Variants in TENM4 observed in about 807,000 individuals in gnomAD.
The protein encoded by TENM4 is teneurin-4.
Under a neutral mutation model 243.3 loss-of-function variants are expected in TENM4, and 82 were observed. The ratio of observed to expected loss-of-function variants is 0.34; its 90% CI spans 0.28 to 0.40. The LOEUF (loss-of-function observed/expected upper bound fraction) is 0.40. TENM4 is among the 10% of genes least tolerant of loss of function. The probability of loss-of-function intolerance (pLI) is 1.00; values close to 1 mark genes in which losing one functional copy is unlikely to be tolerated. For missense variants in TENM4, 3,138 were observed against 3,673.3 expected, an observed-to-expected ratio of 0.85 and a Z score of 3.77; for synonymous variants, 1,412 against 1,456.3, an observed-to-expected ratio of 0.97 and a Z score of 0.69.
chr11:79,418,061 G>A lies in TENM4; in HGVS notation c.-321+22448C>T, dbSNP rs55936705. 3.2e-3 allele frequency among the ~76,000 whole-genome samples: 489 copies of A among 152,208 alleles called. 3 individuals carry two copies. The highest frequency in any genetic ancestry group is 0.011 in the African/African-American group (439 of 41,518). On this transcript the variant is annotated intron_variant, in intron 1 of 33. Coordinates refer to ENST00000278550, the MANE Select transcript of TENM4 (RefSeq NM_001098816.3). ...CAGTAGTGGGATTGTCTGTCTCCTC[G>A]CACTAGACTAGTACTGCCTAATAGA...
At chr11:79,025,569 G>A (rs989802873) in intron 6 of TENM4, among the ~76,000 whole-genome samples, 2 of 152,168 alleles carry the variant, frequency 1.3e-5, no homozygotes, top group Non-Finnish European at 2.9e-5. Context: ...TAGATACTCT[G>A]TGGTAGGTAT....
chr11:79,332,815 G>T (rs1397309823), intron 1 of TENM4, among the ~76,000 whole-genome samples: 1 of 152,074 alleles, frequency 6.6e-6, no homozygotes, highest in African/African-American at 2.4e-5. Context: ...ACTTCTGCTT[G>T]CTCACCTCCT....
At chr11:79,139,169 C>A (rs867104456) in intron 4 of TENM4, among the ~76,000 whole-genome samples, 2 of 52,308 alleles carry the variant, frequency 3.8e-5, no homozygotes, top group Non-Finnish European at 5.9e-5. Context: ...TATTATATTT[C>A]TATAAATATA....
chr11:79,110,415 G>A (rs1861478106), intron 4 of TENM4, among the ~76,000 whole-genome samples: 1 of 152,192 alleles, frequency 6.6e-6, no homozygotes, highest in African/African-American at 2.4e-5. Flanking sequence ...GGGACTCACA[G>A]CGCCCTGGGC....
intron 3 of TENM4, among the ~76,000 whole-genome samples, chr11:79,194,044 C>T (rs1863571141): frequency 6.6e-6 from 1 of 151,880 alleles, no homozygotes; most frequent in Non-Finnish European, 1.5e-5. Flanking sequence ...ATCATGGGGG[C>T]CGGTCTTTCC....
intron 6 of TENM4, among the ~76,000 whole-genome samples, chr11:78,961,550 C>G (rs1292050756): frequency 6.6e-6 from 1 of 152,224 alleles, no homozygotes. Context: ...TCTCTGCAGC[C>G]GGCATTTAGC....
At chr11:79,248,670 C>A (rs1366520289) in intron 2 of TENM4, among the ~76,000 whole-genome samples, 2 of 152,260 alleles carry the variant, frequency 1.3e-5, no homozygotes, top group African/African-American at 4.8e-5. Flanking sequence ...TCTCCTCCTG[C>A]ATCTTCACAA....
chr11:79,440,031 C>G lies in TENM4; in HGVS notation c.-321+478G>C, dbSNP rs1859366281. On this transcript the variant is annotated intron_variant, in intron 1 of 33. Coordinates refer to ENST00000278550, the MANE Select transcript of TENM4 (RefSeq NM_001098816.3). This position sits in a 1 kb window ranked among gnomAD's most constrained non-coding sequence, Gnocchi z 4.7. The stretch of plus-strand genomic sequence containing the variant: ...ACCGCCCGTGCGGGGCTGCTGCAGC[C>G]GGCACTTGCCCCGCAGGGCAGGCTG... Among the ~76,000 whole-genome samples the G allele has an allele frequency of 6.6e-6, 1 of 152,064 alleles. No homozygotes were observed. The highest frequency in any genetic ancestry group is 1.5e-5 in the Non-Finnish European group (1 of 67,992).
chr11:79,421,106 T>C (rs955761210), intron 1 of TENM4, among the ~76,000 whole-genome samples: 1 of 152,206 alleles, frequency 6.6e-6, no homozygotes, highest in African/African-American at 2.4e-5. Context: ...TGCTTTTCTC[T>C]TTGCAAAATC....
At chr11:79,054,996 C>T (rs1859905804) in intron 6 of TENM4, among the ~76,000 whole-genome samples, 1 of 151,682 alleles carries the variant, frequency 6.6e-6, no homozygotes, top group African/African-American at 2.4e-5. Flanking sequence ...GGCGTGGTGG[C>T]AGAACCTGTA....
intron 6 of TENM4, among the ~76,000 whole-genome samples, chr11:78,946,618 T>A (rs1297232763): frequency 1.3e-5 from 2 of 152,234 alleles, no homozygotes; most frequent in Admixed American, 6.5e-5. Context: ...TAGTGATTCC[T>A]CTGATGGATC....
At chr11:79,071,270 C>T (rs1379002422) in intron 4 of TENM4, among the ~76,000 whole-genome samples, 1 of 152,220 alleles carries the variant, frequency 6.6e-6, no homozygotes, top group African/African-American at 2.4e-5. Flanking sequence ...TCAGTTCTGG[C>T]TTTCTGTTGC....
chr11:79,185,137 A>C (rs902833321), intron 3 of TENM4, among the ~76,000 whole-genome samples: 5 of 152,134 alleles, frequency 3.3e-5, no homozygotes, highest in African/African-American at 1.2e-4. Flanking sequence ...GCCTCTAAAA[A>C]ACATTTAAAA....
rs34985685 is a variant in TENM4 at position 79,003,994 on chromosome 11, GA to G, written c.493+60743del. On this transcript the variant is annotated intron_variant, in intron 6 of 33. Transcript: ENST00000278550. ...CACAGGGGTTGCTATTCTAATTTCA[GA>G]AAAAAAAAAAAACAGACTTTAAACC... Among the ~76,000 whole-genome samples, 860 of 130,984 alleles carry G rather than the reference GA, an allele frequency of 6.6e-3. 3 individuals are homozygous for G. Among genetic ancestry groups the G allele is most frequent in the African/African-American group, 0.01 (382 of 36,956 alleles). 85.9% of individuals were successfully genotyped at this position (130,984 alleles called of 152,430 possible).
At chr11:78,935,059 C>T (rs991289127) in intron 6 of TENM4, among the ~76,000 whole-genome samples, 32 of 124,846 alleles carry the variant, frequency 2.6e-4, no homozygotes, top group Non-Finnish European at 4.7e-4. Context: ...GGCCGGACTG[C>T]GGACTGCAGT....
chr11:78,961,538 T>C (rs1457674769), intron 6 of TENM4, among the ~76,000 whole-genome samples: 1 of 152,192 alleles, frequency 6.6e-6, no homozygotes, highest in Non-Finnish European at 1.5e-5. Context: ...ACCCAGTGGC[T>C]CTCTCTGCAG....
At chr11:79,387,146 A>C (rs567763970) in intron 1 of TENM4, among the ~76,000 whole-genome samples, 1 of 152,368 alleles carries the variant, frequency 6.6e-6, no homozygotes, top group Non-Finnish European at 1.5e-5. Context: ...GGAGCAGACA[A>C]AAAAGAGTAT....
At chr11:78,712,379 G>T in intron 26 of TENM4, 103 bp downstream of exon 26, 1 of 1,041,708 alleles carries the variant, frequency 9.6e-7, no homozygotes, top group Non-Finnish European at 1.4e-6. Context: ...TATATTTCTT[G>T]GTATTTTCCA....
chr11:78,771,283 A>G, intron 17 of TENM4, 145 bp from the exon 18 acceptor site: 2 of 1,058,500 alleles, frequency 1.9e-6, no homozygotes, highest in Non-Finnish European at 2.7e-6. Flanking sequence ...GGTAGGTATC[A>G]TTAGGAATTG....
Sources: allele counts gnomAD v4.1 joint callset (sites outside exome capture counted in the v4.1 genomes callset), GRCh38; gene constraint gnomAD v4.1.1; non-coding constraint Gnocchi (gnomAD v3.1); transcripts MANE v1.5; gene names NCBI Gene and HGNC (gene_info 2026-07-23, HGNC 2026-07-21).